Variants in SLC24A3 observed in about 807,000 individuals in gnomAD.
SLC24A3 encodes solute carrier family 24 member 3.
In SLC24A3, 28 loss-of-function variants were observed where a neutral mutation model predicts 75.8. The observed-to-expected ratio is 0.37, with a 90% confidence interval of 0.27 to 0.51. The LOEUF is 0.51. Among genes scored for constraint, SLC24A3 ranks in the 20% least tolerant of loss-of-function variants. The pLI is 0.94. For missense variants in SLC24A3, 663 were observed against 847.8 expected (o/e 0.78, Z 2.71); for synonymous variants, 372 against 334.1 (o/e 1.11, Z -1.24).
chr20:19,531,654 C>A (rs1405172649), intron 3 of SLC24A3, among the ~76,000 whole-genome samples: 1 of 152,178 alleles, frequency 6.6e-6, no homozygotes, highest in Admixed American at 6.5e-5. Context: ...CAGGTTCAAT[C>A]AAACAAAGAA....
At chr20:19,260,626 C>G (rs144916917) in intron 1 of SLC24A3, among the ~76,000 whole-genome samples, 1 of 152,346 alleles carries the variant, frequency 6.6e-6, no homozygotes, top group African/African-American at 2.4e-5. Context: ...ACATGTGCAT[C>G]CTCTGCATGA....
At chr20:19,409,812 T>C (rs570116068) in intron 2 of SLC24A3, among the ~76,000 whole-genome samples, 2 of 151,364 alleles carry the variant, frequency 1.3e-5, no homozygotes, top group African/African-American at 4.9e-5. Context: ...TGCTATTATG[T>C]ATAGTTTGAA....
chr20:19,504,390 C>A (rs1322360346), intron 2 of SLC24A3, among the ~76,000 whole-genome samples: 1 of 152,214 alleles, frequency 6.6e-6, no homozygotes, highest in Non-Finnish European at 1.5e-5. Context: ...AGCATGCACA[C>A]TTCACCTTCT....
chr20:19,515,331 G>A (rs748845362), intron 2 of SLC24A3, among the ~76,000 whole-genome samples, 157 bp from the exon 3 acceptor site: 2 of 152,190 alleles, frequency 1.3e-5, no homozygotes, highest in African/African-American at 4.8e-5. Flanking sequence ...TTATCTGAAG[G>A]AAACACTAAA....
chr20:19,693,447 T>C (rs2122135535), intron 13 of SLC24A3, 22 bp downstream of exon 13: 4 of 1,612,444 alleles, frequency 2.5e-6, no homozygotes, highest in South Asian at 2.2e-5. Flanking sequence ...CGGGACCCCA[T>C]GGCACTGTTA....
chr20:19,343,034 C>T (rs1568594747), intron 2 of SLC24A3, among the ~76,000 whole-genome samples: 1 of 135,334 alleles, frequency 7.4e-6, no homozygotes, highest in Non-Finnish European at 1.5e-5. Flanking sequence ...CATGCCACTG[C>T]ACTCCAGCCT....
intron 2 of SLC24A3, among the ~76,000 whole-genome samples, chr20:19,364,424 C>T (rs1985847787): frequency 6.6e-6 from 1 of 151,530 alleles, no homozygotes; most frequent in African/African-American, 2.4e-5. Flanking sequence ...ATAAGGTGTC[C>T]ACACACGGCT....
At chr20:19,627,707 A>G (rs906485329) in intron 6 of SLC24A3, among the ~76,000 whole-genome samples, 2 of 152,238 alleles carry the variant, frequency 1.3e-5, no homozygotes, top group Non-Finnish European at 2.9e-5. Context: ...TAATGGAAGG[A>G]GGAACACCAT....
intron 3 of SLC24A3, among the ~76,000 whole-genome samples, chr20:19,562,484 A>G (rs75746821): frequency 0.017 from 2,614 of 152,292 alleles, 74 homozygotes; most frequent in African/African-American, 0.058. Context: ...AAAGGAGCCC[A>G]TGTGCCCAAC....
At position 19,534,430 on chromosome 20, in the gene SLC24A3, T is replaced by TTTTGTTTTGA. The variant is rs373019537; in HGVS notation, c.348+18866_348+18867insTTTGTTTTGA. Among the ~76,000 whole-genome samples the TTTTGTTTTGA allele has an allele frequency of 5.6e-4, 84 of 150,712 alleles. No homozygotes were observed. In the East Asian group the frequency reaches 6.6e-3, roughly 12 times the overall value. On this transcript the variant is annotated intron_variant, in intron 3 of 16. Transcript: ENST00000328041. ...TGTTTTTTTGTTTTGTTTTGTTTTG[T>TTTTGTTTTGA]GACGGAGTCTCGCTCTGTCACCCAG...
intron 2 of SLC24A3, among the ~76,000 whole-genome samples, chr20:19,296,268 CTTTTTTTT>C (rs35229035): frequency 1.4e-5 from 1 of 72,304 alleles, no homozygotes; most frequent in African/African-American, 5.6e-5. Context: ...AGCTAGTGGT[CTTTTTTTT>C]TTTTTTTTTT....
Position 19,417,801 on chromosome 20 carries a change from G to A in SLC24A3, c.272-97687G>A, listed in dbSNP as rs141474754. Among the ~76,000 whole-genome samples, 523 of 152,328 alleles carry A rather than the reference G, an allele frequency of 3.4e-3. 13 individuals are homozygous for A. The highest frequency in any genetic ancestry group is 0.031 in the Admixed American group (468 of 15,300). ...CTCAGGCATCAGCCGAGGTGAGGATGCTGGATGAGGCATCACATTACAATA... is the reference window on the plus strand; with the variant it reads ...CTCAGGCATCAGCCGAGGTGAGGATACTGGATGAGGCATCACATTACAATA... On this transcript the variant is annotated intron_variant, in intron 2 of 16. Transcript: ENST00000328041.
intron 2 of SLC24A3, among the ~76,000 whole-genome samples, chr20:19,382,826 A>G (rs1380363317): frequency 6.6e-6 from 1 of 152,176 alleles, no homozygotes; most frequent in Non-Finnish European, 1.5e-5. Context: ...TGTAGCCAGG[A>G]TAGATGATGG....
At chr20:19,491,933 C>T (rs1040442457) in intron 2 of SLC24A3, among the ~76,000 whole-genome samples, 1 of 151,954 alleles carries the variant, frequency 6.6e-6, no homozygotes, top group Non-Finnish European at 1.5e-5. Context: ...CTGGGCAGGG[C>T]AGCAGTGTCA....
At chr20:19,667,101 T>C (rs2032407837) in intron 8 of SLC24A3, among the ~76,000 whole-genome samples, 1 of 152,172 alleles carries the variant, frequency 6.6e-6, no homozygotes, top group Non-Finnish European at 1.5e-5. Flanking sequence ...TCTTTGTTGG[T>C]GTGGGCCTCT....
intron 2 of SLC24A3, among the ~76,000 whole-genome samples, chr20:19,398,927 C>CT (rs1250954726): frequency 6.6e-6 from 1 of 152,082 alleles, no homozygotes; most frequent in Non-Finnish European, 1.5e-5. Context: ...CCATCTGGGC[C>CT]TAGAGTTTTA....
At chr20:19,385,559 T>C (rs1986258225) in intron 2 of SLC24A3, among the ~76,000 whole-genome samples, 1 of 152,198 alleles carries the variant, frequency 6.6e-6, no homozygotes, top group Non-Finnish European at 1.5e-5. Flanking sequence ...TCAGGTGGCG[T>C]GATGCCTCCA....
chr20:19,325,825 GA>G, intron 2 of SLC24A3, among the ~76,000 whole-genome samples: 1 of 109,894 alleles, frequency 9.1e-6, no homozygotes, highest in East Asian at 2.2e-4. Context: ...GAGAGAGAGA[GA>G]GAGAGAGAGA....
chr20:19,407,379 T>C (rs1460072587), intron 2 of SLC24A3, among the ~76,000 whole-genome samples: 1 of 152,200 alleles, frequency 6.6e-6, no homozygotes, highest in African/African-American at 2.4e-5. Context: ...CTTCCTCCTG[T>C]GAGTTGAGAA....
Sources: gnomAD v4.1 joint callset for allele counts (sites outside exome capture counted in the v4.1 genomes callset) on GRCh38, gnomAD v4.1.1 for gene constraint, MANE v1.5 for transcripts, NCBI Gene and HGNC (gene_info 2026-07-23, HGNC 2026-07-21) for gene names.